The following SYNE1 variants were observed in gnomAD, a reference collection of about 807,000 sequenced individuals.
The protein encoded by SYNE1 is nesprin-1.
Under a neutral mutation model 1,111.0 loss-of-function variants are expected in SYNE1, and 616 were observed. The ratio of observed to expected loss-of-function variants is 0.55; its 90% CI spans 0.52 to 0.59. The LOEUF (loss-of-function observed/expected upper bound fraction) is 0.59, where lower values mean the gene tolerates loss of function less well. Ranked by LOEUF, SYNE1 falls within the 20% of genes least tolerant of loss-of-function variation. The probability of loss-of-function intolerance (pLI) is 0.00; values close to 1 mark genes in which losing one functional copy is unlikely to be tolerated. For synonymous variants in SYNE1, 3,855 were observed against 3,825.8 expected, an observed-to-expected ratio of 1.01 and a Z score of -0.28; for missense variants, 10,006 against 10,417.0, an observed-to-expected ratio of 0.96 and a Z score of 1.72.
At chr6:152,147,650 C>A (rs895467893) in intron 137 of SYNE1, 3 of 256,464 alleles carry the variant, frequency 1.2e-5, no homozygotes, top group South Asian at 4.5e-5. Flanking sequence ...TCCATGGTTT[C>A]TTTCCCGAAG....
chr6:152,186,505 G>A (rs536006499), intron 128 of SYNE1, among the ~76,000 whole-genome samples: 110 of 132,120 alleles, frequency 8.3e-4, no homozygotes, highest in African/African-American at 2.8e-3. Flanking sequence ...GCGGTGAGCC[G>A]AGATCACACC....
At chr6:152,125,432 T>C in intron 145 of SYNE1, 1 of 1,472,568 alleles carries the variant, frequency 6.8e-7, no homozygotes, top group African/African-American at 1.4e-5. Context: ...TTGAGGCAGT[T>C]ACATGACCAT....
intron 6 of SYNE1, among the ~76,000 whole-genome samples, chr6:152,511,305 A>G (rs2099083721): frequency 6.6e-6 from 1 of 152,234 alleles, no homozygotes; most frequent in Admixed American, 6.5e-5. Context: ...TTAGGTGTAC[A>G]AAGTAAAAAC....
intron 14 of SYNE1, among the ~76,000 whole-genome samples, chr6:152,477,395 T>G (rs921801506): frequency 3.3e-5 from 5 of 152,074 alleles, no homozygotes; most frequent in Non-Finnish European, 7.4e-5. Flanking sequence ...GTAAAGGCCT[T>G]AAAGAGATGA....
At chr6:152,505,987 G>T (rs1212478867) in intron 8 of SYNE1, among the ~76,000 whole-genome samples, 2 of 152,206 alleles carry the variant, frequency 1.3e-5, no homozygotes, top group Non-Finnish European at 2.9e-5. Context: ...AAAGGACCCT[G>T]TATTCCACCT....
chr6:152,214,385 C>G (rs1046945585), intron 122 of SYNE1, among the ~76,000 whole-genome samples: 1 of 152,048 alleles, frequency 6.6e-6, no homozygotes, highest in African/African-American at 2.4e-5. Flanking sequence ...ACTTTTAGTT[C>G]AAATTTTGTC....
intron 64 of SYNE1, 47 bp from the exon 65 acceptor site, chr6:152,359,505 C>A (rs1479102982): frequency 6.2e-7 from 1 of 1,611,260 alleles, no homozygotes; most frequent in Non-Finnish European, 8.5e-7. Context: ...TGCACCATCA[C>A]ATCAACGACA....
intron 3 of SYNE1, among the ~76,000 whole-genome samples, chr6:152,578,417 A>T (rs1005795060): frequency 1.3e-5 from 2 of 152,148 alleles, no homozygotes; most frequent in Non-Finnish European, 2.9e-5. Flanking sequence ...CAACATGGTG[A>T]AATCCCGTTT....
intron 39 of SYNE1, among the ~76,000 whole-genome samples, chr6:152,424,032 G>C (rs753912427): frequency 2.0e-5 from 3 of 152,140 alleles, no homozygotes; most frequent in Non-Finnish European, 2.9e-5. Flanking sequence ...CACTTGCTTA[G>C]TTATGTATTT....
At chr6:152,407,843 C>T (rs772121058) in intron 44 of SYNE1, among the ~76,000 whole-genome samples, 1 of 150,500 alleles carries the variant, frequency 6.6e-6, no homozygotes, top group Non-Finnish European at 1.5e-5. Flanking sequence ...CTCACTGCAA[C>T]CTCCGCCTCC....
intron 3 of SYNE1, among the ~76,000 whole-genome samples, chr6:152,568,289 CTTTTTTTTTTTTT>C (rs10601350): frequency 1.2e-5 from 1 of 80,310 alleles, no homozygotes; most frequent in African/African-American, 5.0e-5. Context: ...TTATTTTATT[CTTTTTTTTTTTTT>C]TTTTTTTTTT....
chr6:152,589,592 A>T (rs1459052601), intron 3 of SYNE1, among the ~76,000 whole-genome samples: 1 of 152,148 alleles, frequency 6.6e-6, no homozygotes, highest in African/African-American at 2.4e-5. Context: ...TCAACATTTC[A>T]TCCATCAATT....
chr6:152,552,610 T>C (rs1226460888), intron 3 of SYNE1, among the ~76,000 whole-genome samples: 1 of 152,072 alleles, frequency 6.6e-6, no homozygotes, highest in East Asian at 1.9e-4. Context: ...CAGATGGAGA[T>C]GAAATGAAAA....
rs781435849 is a variant in SYNE1 at position 152,133,294 on chromosome 6, G to A, written c.25983C>T (p.Asp8661=). The change falls in exon 143 of 146, where the codon GAC becomes GAT. Residue 8661 remains aspartate (D), a synonymous_variant. Coordinates refer to ENST00000367255, the MANE Select transcript of SYNE1 (RefSeq NM_182961.4). ...RHIKELEKLL[D]VSSSQQDLSS... is the part of the protein sequence containing the mutation. ...TGCTTACCTGCTGACTACTTGACAC[G>A]TCTAATAACTTCTCCAGTTCCTTGA... 1.1e-5 allele frequency: 17 copies of A among 1,614,054 alleles called. No homozygotes were observed. The Admixed American group carries it at 1.2e-4, about 11-fold the overall frequency.
intron 14 of SYNE1, among the ~76,000 whole-genome samples, chr6:152,475,510 T>C (rs912763301): frequency 2.0e-5 from 3 of 152,196 alleles, no homozygotes; most frequent in Admixed American, 6.5e-5. Context: ...TTTGCACCAC[T>C]GTAAAGTCAA....
chr6:152,194,517 AAC>A (rs1438503395), intron 127 of SYNE1, among the ~76,000 whole-genome samples: 1 of 152,148 alleles, frequency 6.6e-6, no homozygotes, highest in Non-Finnish European at 1.5e-5. Context: ...GGTGTTCTAT[AAC>A]CTTCTTGTAC....
intron 129 of SYNE1, among the ~76,000 whole-genome samples, chr6:152,177,022 ATGTG>A (rs1450294766): frequency 6.6e-6 from 1 of 152,188 alleles, no homozygotes. Flanking sequence ...ATAAATGTGA[ATGTG>A]TGTGTCAATT....
At chr6:152,217,165 C>T (rs1202612661) in intron 121 of SYNE1, among the ~76,000 whole-genome samples, 4 of 133,824 alleles carry the variant, frequency 3.0e-5, no homozygotes, top group Admixed American at 1.6e-4. Context: ...GAGGCTGAGG[C>T]GGGCAGATCA....
chr6:152,610,188 A>T (rs767195866), intron 3 of SYNE1, among the ~76,000 whole-genome samples: 1 of 152,200 alleles, frequency 6.6e-6, no homozygotes, highest in Non-Finnish European at 1.5e-5. Context: ...TGGTAATAAC[A>T]AACTTCTCCA....
Sources: gnomAD v4.1 joint callset for allele counts (sites outside exome capture counted in the v4.1 genomes callset) on GRCh38, gnomAD v4.1.1 for gene constraint, MANE v1.5 for transcripts, NCBI Gene and HGNC (gene_info 2026-07-23, HGNC 2026-07-21) for gene names.